The following SLC25A21 variants were observed in gnomAD, a reference collection of about 807,000 sequenced individuals.
SLC25A21 encodes the protein mitochondrial 2-oxodicarboxylate carrier.
A neutral mutation model predicts 43.8 loss-of-function variants in SLC25A21; 47 were observed. The ratio of observed to expected loss-of-function variants is 1.07; its 90% CI spans 0.85 to 1.37. The LOEUF (loss-of-function observed/expected upper bound fraction) is 1.37, where lower values mean the gene tolerates loss of function less well. SLC25A21 is among the 40% of genes most tolerant of loss of function. The pLI, the probability that SLC25A21 is intolerant of heterozygous loss-of-function variation, is 0.00. For synonymous variants in SLC25A21, 131 were observed against 121.3 expected (o/e 1.08, Z -0.52); for missense variants, 352 against 350.2 (o/e 1.00, Z -0.04).
rs79168649 is a variant in SLC25A21 at position 36,983,242 on chromosome 14, C to T, written c.71-108238G>A. On this transcript the variant is annotated intron_variant, in intron 1 of 9. Coordinates refer to ENST00000331299, the MANE Select transcript of SLC25A21 (RefSeq NM_030631.4). The stretch of plus-strand genomic sequence containing the variant: ...TGAGTAGTCCATATTCCTGGGTTCA[C>T]TCTCAGAGCACTGCTTCTTTCTTTC... Among the ~76,000 whole-genome samples, 3,092 of 152,308 alleles carry T rather than the reference C, an allele frequency of 0.02. 198 individuals carry two copies. In the East Asian group the frequency reaches 0.25, roughly 12 times the overall value.
intron 1 of SLC25A21, among the ~76,000 whole-genome samples, chr14:37,076,582 A>G (rs1472027770): frequency 6.7e-6 from 1 of 150,198 alleles, no homozygotes; most frequent in Non-Finnish European, 1.5e-5. Context: ...TCTGCCTCCC[A>G]GGTTCAAGCG....
chr14:36,680,070 T>TA lies in SLC25A21; in HGVS notation c.*587dup, dbSNP rs570707248. 2.3e-3 allele frequency: 2,010 copies of TA among 870,158 alleles called. 5 individuals are homozygous for TA. The highest frequency in any genetic ancestry group is 3.2e-3 in the Admixed American group (51 of 16,072). The allele number at this position is 870,158 out of a possible 1,614,324, so 53.9% of individuals were successfully genotyped here. On this transcript the variant is annotated 3_prime_UTR_variant, in exon 10 of 10. Coordinates refer to ENST00000331299, the MANE Select transcript of SLC25A21 (RefSeq NM_030631.4). ...ATAGAGCTGATATGTGCATAGTTAC[T>TA]AAAAAAAACCAACAGATTTACATTT...
chr14:36,732,398 G>A (rs937356356), intron 4 of SLC25A21, among the ~76,000 whole-genome samples: 6 of 151,974 alleles, frequency 3.9e-5, no homozygotes, highest in Admixed American at 1.3e-4. Context: ...CCCTGAAGCC[G>A]GAACCATGGT....
At chr14:36,718,671 T>C (rs982223452) in intron 6 of SLC25A21, among the ~76,000 whole-genome samples, 1 of 152,234 alleles carries the variant, frequency 6.6e-6, no homozygotes, top group African/African-American at 2.4e-5. Flanking sequence ...TGGTCTCTAT[T>C]AGATTATTAA....
At chr14:37,137,147 G>A (rs1022150681) in intron 1 of SLC25A21, among the ~76,000 whole-genome samples, 6 of 152,210 alleles carry the variant, frequency 3.9e-5, no homozygotes, top group Admixed American at 1.3e-4. Context: ...ACAGGCGCCC[G>A]CCACCTCGCC....
At chr14:37,077,450 C>T (rs10133820) in intron 1 of SLC25A21, among the ~76,000 whole-genome samples, 35,519 of 151,886 alleles carry the variant, frequency 0.23, 4,490 homozygotes, top group Non-Finnish European at 0.27. Flanking sequence ...ATTATACACG[C>T]GGACACAACC....
intron 7 of SLC25A21, among the ~76,000 whole-genome samples, chr14:36,690,286 ATATT>A (rs1243439103): frequency 3.9e-5 from 6 of 152,340 alleles, no homozygotes; most frequent in African/African-American, 1.2e-4. Flanking sequence ...ATTATTAATA[ATATT>A]TATTACCAGG....
intron 3 of SLC25A21, among the ~76,000 whole-genome samples, chr14:36,774,661 G>C (rs1280710896): frequency 6.6e-6 from 1 of 151,996 alleles, no homozygotes; most frequent in Non-Finnish European, 1.5e-5. Flanking sequence ...TTAATCTCCT[G>C]GGCTCAAGGA....
In SLC25A21 at chr14:37,157,590, A is replaced by C. The variant is rs200135507; in HGVS notation, c.70+14691T>G. ...AAAACCCATGGGATACAGCAAAAGC[A>C]ATGCTAAGAGGGAAGCTTATAGCAC... On this transcript the variant is annotated intron_variant, in intron 1 of 9. Transcript: ENST00000331299. 9.2e-5 allele frequency among the ~76,000 whole-genome samples: 14 copies of C among 152,332 alleles called. No homozygotes were observed. The East Asian group carries it at 2.7e-3, about 29-fold the overall frequency.
At chr14:36,791,039 G>A (rs975882118) in intron 3 of SLC25A21, among the ~76,000 whole-genome samples, 1 of 152,000 alleles carries the variant, frequency 6.6e-6, no homozygotes, top group Non-Finnish European at 1.5e-5. Context: ...ATAAGCAATA[G>A]CTACAGGCTT....
chr14:36,844,998 A>C lies in SLC25A21; in HGVS notation c.119+29958T>G, dbSNP rs1331146929. Among the ~76,000 whole-genome samples, 4 of 152,304 alleles carry C rather than the reference A, an allele frequency of 2.6e-5. No individual in the cohort carries two copies. In the East Asian group the frequency reaches 5.8e-4, roughly 22 times the overall value. On this transcript the variant is annotated intron_variant, in intron 2 of 9. Transcript: ENST00000331299. The stretch of plus-strand genomic sequence containing the variant: ...GAAGTTTTTGAAAAGGGCAGTAAAC[A>C]TTTCTTGCAAACTGATGTTTTTATT...
chr14:36,679,440 C>A lies in SLC25A21; in HGVS notation c.*1218G>T. 8.1e-6 allele frequency: 8 copies of A among 985,360 alleles called. No homozygotes were observed. Among genetic ancestry groups the A allele is most frequent in the Non-Finnish European group, 9.6e-6 (8 of 829,882 alleles). 61.0% of individuals were successfully genotyped at this position (985,360 alleles called of 1,614,324 possible). On this transcript the variant is annotated 3_prime_UTR_variant, in exon 10 of 10. Coordinates refer to ENST00000331299, the MANE Select transcript of SLC25A21 (RefSeq NM_030631.4). ...TAGTAGAAATAGCCCACGGTAGTAA[C>A]TTAGGACAGGTGTCATATGGACTTT...
intron 3 of SLC25A21, among the ~76,000 whole-genome samples, chr14:36,786,383 C>G (rs1407273418): frequency 6.6e-6 from 1 of 152,204 alleles, no homozygotes; most frequent in East Asian, 1.9e-4. Context: ...CTGAGCAACT[C>G]AGAGGTGACT....
intron 1 of SLC25A21, among the ~76,000 whole-genome samples, chr14:37,050,845 T>C (rs4408459): frequency 0.44 from 67,642 of 152,120 alleles, 17,368 homozygotes; most frequent in African/African-American, 0.72. Context: ...ATAAAGCGAA[T>C]AATAATTTCA....
chr14:36,823,252 T>C (rs983226182), intron 2 of SLC25A21, among the ~76,000 whole-genome samples: 1 of 152,084 alleles, frequency 6.6e-6, no homozygotes, highest in Non-Finnish European at 1.5e-5. Context: ...CCACAAGTAA[T>C]AAAATAGGCT....
intron 1 of SLC25A21, among the ~76,000 whole-genome samples, chr14:36,889,531 G>A (rs950997790): frequency 3.3e-5 from 5 of 152,150 alleles, no homozygotes; most frequent in African/African-American, 1.2e-4. Flanking sequence ...CTGTTGTTCA[G>A]GCTGGGGTGC....
intron 3 of SLC25A21, among the ~76,000 whole-genome samples, chr14:36,776,145 G>GT (rs956117571): frequency 1.4e-4 from 19 of 137,036 alleles, no homozygotes; most frequent in South Asian, 4.7e-4. Flanking sequence ...TTGGTACATT[G>GT]TTTTTTTTTC....
intron 1 of SLC25A21, among the ~76,000 whole-genome samples, chr14:37,014,950 G>A (rs1960814016): frequency 6.6e-6 from 1 of 152,046 alleles, no homozygotes. Context: ...GTGGGCTTAA[G>A]ATATTCAGTA....
intron 4 of SLC25A21, among the ~76,000 whole-genome samples, chr14:36,732,960 T>C (rs1884889185): frequency 6.6e-6 from 1 of 152,172 alleles, no homozygotes; most frequent in African/African-American, 2.4e-5. Flanking sequence ...TGCCCAAAAG[T>C]TCATCTGTTA....
Sources: allele counts gnomAD v4.1 joint callset (sites outside exome capture counted in the v4.1 genomes callset), GRCh38; gene constraint gnomAD v4.1.1; transcripts MANE v1.5; gene names NCBI Gene and HGNC (gene_info 2026-07-23, HGNC 2026-07-21).